The following EPHA3 variants were observed in gnomAD, a reference collection of about 807,000 sequenced individuals.
EPHA3 encodes EPH receptor A3.
Under a neutral mutation model 107.1 loss-of-function variants are expected in EPHA3, and 42 were observed. The ratio of observed to expected loss-of-function variants is 0.39; its 90% CI spans 0.31 to 0.51. The LOEUF is 0.51. Among genes scored for constraint, EPHA3 ranks in the 20% least tolerant of loss-of-function variants. The pLI is 0.78. For synonymous variants in EPHA3, 461 were observed against 424.8 expected, an observed-to-expected ratio of 1.09 and a Z score of -1.05; for missense variants, 1,183 against 1,211.2, an observed-to-expected ratio of 0.98 and a Z score of 0.35.
intron 5 of EPHA3, among the ~76,000 whole-genome samples, chr3:89,380,883 C>A (rs1708489931): frequency 2.0e-5 from 3 of 151,996 alleles, no homozygotes; most frequent in Non-Finnish European, 4.4e-5. Context: ...ATTCGCCTGC[C>A]TCAGCCTCCC....
chr3:89,314,230 C>A (rs1706839070), intron 3 of EPHA3, among the ~76,000 whole-genome samples: 2 of 151,342 alleles, frequency 1.3e-5, no homozygotes, highest in African/African-American at 4.8e-5. Context: ...ATAATCAGCA[C>A]AAGGTCAAAT....
At chr3:89,442,922 C>T (rs1401419353) in intron 13 of EPHA3, among the ~76,000 whole-genome samples, 5 of 152,104 alleles carry the variant, frequency 3.3e-5, no homozygotes, top group Non-Finnish European at 7.4e-5. Context: ...TACTTACCAC[C>T]CTCCACCCCA....
chr3:89,369,085 G>A (rs1001272543), intron 5 of EPHA3, among the ~76,000 whole-genome samples: 4 of 150,298 alleles, frequency 2.7e-5, no homozygotes, highest in Admixed American at 6.7e-5. Context: ...TGGAAGGGAA[G>A]AAGAATATGA....
At chr3:89,363,615 A>G (rs1385256110) in intron 5 of EPHA3, among the ~76,000 whole-genome samples, 1 of 150,786 alleles carries the variant, frequency 6.6e-6, no homozygotes, top group African/African-American at 2.4e-5. Context: ...TTGACCAAAT[A>G]TCTGAGTACC....
intron 1 of EPHA3, among the ~76,000 whole-genome samples, chr3:89,111,962 A>G (rs1464045079): frequency 6.6e-6 from 1 of 152,006 alleles, no homozygotes; most frequent in African/African-American, 2.4e-5. Flanking sequence ...AACTATCAAT[A>G]TTTTTAATTT....
rs1704074655 is a variant in EPHA3, at chr3:89,211,276, A to G, written c.814+756A>G. Among the ~76,000 whole-genome samples the G allele has an allele frequency of 2.0e-5, 3 of 152,228 alleles. No individual in the cohort carries two copies. In the South Asian group the frequency reaches 6.2e-4, roughly 32 times the overall value. ...TATATTTTAAGTGGAATCAATTAAA[A>G]TATCATTTTATATAAAATTATGTAT... On this transcript the variant is annotated intron_variant, in intron 3 of 16. Coordinates refer to ENST00000336596, the MANE Select transcript of EPHA3 (RefSeq NM_005233.6).
intron 5 of EPHA3, among the ~76,000 whole-genome samples, chr3:89,394,372 A>G (rs1708807425): frequency 6.6e-6 from 1 of 152,242 alleles, no homozygotes; most frequent in African/African-American, 2.4e-5. Flanking sequence ...TAGCCTGGAA[A>G]ACAAGGGCAA....
At chr3:89,423,971 G>A (rs1170805419) in intron 11 of EPHA3, among the ~76,000 whole-genome samples, 1 of 151,372 alleles carries the variant, frequency 6.6e-6, no homozygotes, top group Non-Finnish European at 1.5e-5. Context: ...ATATGATGAA[G>A]CACTAGTTTA....
At chr3:89,229,733 A>T (rs1453261454) in intron 3 of EPHA3, among the ~76,000 whole-genome samples, 1 of 151,884 alleles carries the variant, frequency 6.6e-6, no homozygotes, top group Non-Finnish European at 1.5e-5. Flanking sequence ...AAAAATATAA[A>T]TCCTTAGCAT....
chr3:89,364,583 G>A (rs1022374296), intron 5 of EPHA3, among the ~76,000 whole-genome samples: 12 of 151,344 alleles, frequency 7.9e-5, no homozygotes, highest in African/African-American at 2.4e-4. Context: ...TGAACTTGCA[G>A]AAAGAGAAGT....
intron 5 of EPHA3, among the ~76,000 whole-genome samples, chr3:89,368,809 C>T (rs1468797361): frequency 6.7e-6 from 1 of 149,992 alleles, no homozygotes; most frequent in African/African-American, 2.4e-5. Context: ...CATAGATTCA[C>T]CCAGAAAAAA....
chr3:89,117,369 C>T (rs1384038374), intron 1 of EPHA3, among the ~76,000 whole-genome samples: 1 of 152,078 alleles, frequency 6.6e-6, no homozygotes, highest in African/African-American at 2.4e-5. Flanking sequence ...CACAGAGCAG[C>T]TTGTTAGCAG....
rs191674555 is a variant in EPHA3, at chr3:89,480,534, C to T, written c.*1032C>T. 4.1e-4 allele frequency: 96 copies of T among 232,992 alleles called. No individual in the cohort carries two copies. Among genetic ancestry groups the T allele is most frequent in the African/African-American group, 2.0e-3 (91 of 45,344 alleles). 14.4% of individuals were successfully genotyped at this position (232,992 alleles called of 1,614,324 possible). The stretch of plus-strand genomic sequence containing the variant: ...AGTGAAGGAGCCGTGTTAGAGCTTC[C>T]GAGAATAGCTCCACTGGAGAGAAGT... On this transcript the variant is annotated 3_prime_UTR_variant, in exon 17 of 17. Transcript: ENST00000336596.
intron 3 of EPHA3, among the ~76,000 whole-genome samples, chr3:89,258,950 T>C (rs904255027): frequency 6.6e-6 from 1 of 152,070 alleles, no homozygotes; most frequent in African/African-American, 2.4e-5. Flanking sequence ...CAATGAAAAG[T>C]CAATGTATGG....
intron 2 of EPHA3, among the ~76,000 whole-genome samples, chr3:89,156,415 G>A (rs1197940410): frequency 6.6e-6 from 1 of 152,044 alleles, no homozygotes; most frequent in African/African-American, 2.4e-5. Flanking sequence ...ATTTTTAACT[G>A]CTCTGCAATA....
intron 15 of EPHA3, among the ~76,000 whole-genome samples, chr3:89,466,280 TTTTG>T (rs1710272950): frequency 5.6e-5 from 2 of 35,928 alleles, no homozygotes; most frequent in African/African-American, 3.0e-4. Context: ...ACTGCTGTCT[TTTTG>T]TTTGTCTGTG....
chr3:89,193,440 A>G (rs1705765208), intron 2 of EPHA3, among the ~76,000 whole-genome samples: 1 of 152,044 alleles, frequency 6.6e-6, no homozygotes, highest in African/African-American at 2.4e-5. Flanking sequence ...TTCATCCTTG[A>G]TCATTTTGAT....
At chr3:89,400,565 G>T (rs139923698) in intron 7 of EPHA3, among the ~76,000 whole-genome samples, 1 of 151,938 alleles carries the variant, frequency 6.6e-6, no homozygotes, top group African/African-American at 2.4e-5. Flanking sequence ...AAACAGATTA[G>T]CAAGAGATTA....
At chr3:89,207,947 T>A (rs1257627154) in intron 2 of EPHA3, among the ~76,000 whole-genome samples, 1 of 152,164 alleles carries the variant, frequency 6.6e-6, no homozygotes, top group South Asian at 2.1e-4. Context: ...TTAGCATGTA[T>A]CATGAATTAA....
Sources: gnomAD v4.1 joint callset for allele counts (sites outside exome capture counted in the v4.1 genomes callset) on GRCh38, gnomAD v4.1.1 for gene constraint, MANE v1.5 for transcripts, NCBI Gene and HGNC (gene_info 2026-07-23, HGNC 2026-07-21) for gene names.